DMD: variants seen among roughly 807,000 people sequenced by gnomAD.
DMD encodes mutant dystrophin.
A neutral mutation model predicts 330.1 loss-of-function variants in DMD; 63 were observed. The ratio of observed to expected loss-of-function variants is 0.19; its 90% CI spans 0.16 to 0.24. The LOEUF is 0.24. DMD is among the 10% of genes least tolerant of loss of function. The probability of loss-of-function intolerance (pLI) is 1.00; values close to 1 mark genes in which losing one functional copy is unlikely to be tolerated. For synonymous variants in DMD, 1,223 were observed against 959.8 expected (o/e 1.27, Z -5.07); for missense variants, 3,344 against 2,684.1 (o/e 1.25, Z -5.43).
chrX:32,590,353 T>C (rs1459980669), intron 13 of DMD, among the ~76,000 whole-genome samples: 7 of 112,042 alleles, frequency 6.2e-5, no homozygotes, highest in Admixed American at 9.5e-5. Context: ...AATAGAATAC[T>C]TGTTGTGACG....
chrX:31,714,301 A>G (rs1185702749), intron 52 of DMD, among the ~76,000 whole-genome samples: 1 of 111,841 alleles, frequency 8.9e-6, no homozygotes, highest in Admixed American at 9.5e-5. Flanking sequence ...TTATAATTAA[A>G]TTCTACCAAA....
At position 32,697,872 on chromosome X, in the gene DMD, G is replaced by C. The variant is rs762379765; in HGVS notation, c.958C>G (p.Gln320Glu). 12 of 1,210,714 alleles carry C rather than the reference G, an allele frequency of 9.9e-6. No homozygotes were observed. In the South Asian group the frequency reaches 1.9e-4, roughly 20 times the overall value. Residue 320 changes from glutamine (Q) to glutamate (E), a missense_variant and splice_region_variant, in exon 9 of 79, where the codon CAG becomes GAG. Gln to Glu is a conservative substitution (Grantham distance 29). Coordinates refer to ENST00000357033, the MANE Select transcript of DMD (RefSeq NM_004006.3). ...SDPTRSPFPSQHLEAPEDKSF... is the reference protein window; with the variant it reads ...SDPTRSPFPSEHLEAPEDKSF... ...ACAGAGAGTAAATGTTGACAGACCT[G>C]TGAAGGAAATGGGCTCCGTGTAGGG... is the stretch of plus-strand genomic sequence containing the variant.
chrX:31,406,189 A>G (rs1602531579), intron 60 of DMD, among the ~76,000 whole-genome samples: 1 of 111,903 alleles, frequency 8.9e-6, no homozygotes, highest in East Asian at 2.8e-4. Context: ...CATAGGAAAT[A>G]TCAATGTTTT....
intron 1 of DMD, among the ~76,000 whole-genome samples, chrX:33,122,086 C>A (rs2095428822): frequency 9.0e-6 from 1 of 111,267 alleles, no homozygotes; most frequent in African/African-American, 3.3e-5. Context: ...ATTAGTCAGG[C>A]ACGGTGGTGC....
intron 63 of DMD, among the ~76,000 whole-genome samples, chrX:31,254,818 T>C (rs1478829881): frequency 9.1e-6 from 1 of 110,329 alleles, no homozygotes; most frequent in Non-Finnish European, 1.9e-5. Context: ...GGTGGGAGGA[T>C]CGCTTGAGCC....
intron 44 of DMD, among the ~76,000 whole-genome samples, chrX:32,035,755 G>A (rs1009103430): frequency 9.0e-6 from 1 of 111,262 alleles, no homozygotes; most frequent in African/African-American, 3.3e-5. Flanking sequence ...TCAAGAGTAT[G>A]GATAAGCTCA....
chrX:31,735,794 G>A (rs967687254), intron 51 of DMD, among the ~76,000 whole-genome samples: 2 of 111,852 alleles, frequency 1.8e-5, no homozygotes, highest in Non-Finnish European at 3.8e-5. Context: ...ATGGCAAAAG[G>A]AACTTTGGGG....
intron 62 of DMD, among the ~76,000 whole-genome samples, chrX:31,308,782 T>C (rs1303995606): frequency 1.8e-5 from 2 of 110,872 alleles, no homozygotes; most frequent in African/African-American, 3.3e-5. Context: ...CTGGCTGAAG[T>C]GCAATGGTGC....
intron 48 of DMD, among the ~76,000 whole-genome samples, chrX:31,846,795 C>T (rs1377904978): frequency 3.6e-5 from 4 of 111,410 alleles, no homozygotes; most frequent in Non-Finnish European, 1.9e-5. Context: ...GAATAGATAC[C>T]ACTACTCAGA....
At chrX:31,698,724 A>G (rs2083603956) in intron 52 of DMD, among the ~76,000 whole-genome samples, 2 of 111,764 alleles carry the variant, frequency 1.8e-5, no homozygotes, top group Non-Finnish European at 3.8e-5. Flanking sequence ...TTAGATATAG[A>G]AAAGGAGGAA....
intron 1 of DMD, among the ~76,000 whole-genome samples, chrX:33,115,897 C>A (rs183460176): frequency 1.3e-4 from 14 of 109,849 alleles, no homozygotes; most frequent in Admixed American, 9.7e-4. Flanking sequence ...AACAATGATT[C>A]AAAAATGCAG....
chrX:31,411,364 T>C (rs993340640), intron 60 of DMD, among the ~76,000 whole-genome samples: 1 of 111,690 alleles, frequency 9.0e-6, no homozygotes, highest in Non-Finnish European at 1.9e-5. Context: ...TTTGTGTGCA[T>C]ATTTTCATAA....
chrX:33,057,764 T>C (rs778162988), intron 1 of DMD, among the ~76,000 whole-genome samples: 8 of 112,499 alleles, frequency 7.1e-5, no homozygotes, highest in African/African-American at 2.6e-4. Flanking sequence ...ACACAGTAAA[T>C]GTTCATCTTC....
rs776513314 is a variant in DMD at position 32,345,963 on chromosome X, T to C, written c.5566A>G (p.Thr1856Ala). Residue 1856 changes from threonine to alanine, a missense_variant, in exon 39 of 79, where the codon ACA becomes GCA. Transcript: ENST00000357033. Reference sequence around the variant, plus strand: ...AATACCTTGAGAGCATTATGTTTTGTCTGTAACAGCTGCTGTTTTATCTTT... The same window carrying C: ...AATACCTTGAGAGCATTATGTTTTGCCTGTAACAGCTGCTGTTTTATCTTT... The part of the protein sequence containing the change: ...EIKIKQQLLQ[T>A]KHNALKDLRS... 1.7e-6 allele frequency: 2 copies of C among 1,209,839 alleles called. No homozygotes were observed. Among genetic ancestry groups the C allele is most frequent in the Non-Finnish European group, 2.2e-6 (2 of 894,455 alleles).
At chrX:32,987,452 T>C (rs932351724) in intron 2 of DMD, among the ~76,000 whole-genome samples, 1 of 111,429 alleles carries the variant, frequency 9.0e-6, no homozygotes, top group African/African-American at 3.3e-5. Flanking sequence ...ATACCAAGTA[T>C]AGCAGCCAGA....
chrX:32,880,788 T>C (rs2083862212), intron 2 of DMD, among the ~76,000 whole-genome samples: 1 of 111,180 alleles, frequency 9.0e-6, no homozygotes, highest in Admixed American at 9.5e-5. Context: ...CTACTACAAA[T>C]ACAAAATTAG....
At chrX:32,067,919 G>C (rs145627824) in intron 44 of DMD, among the ~76,000 whole-genome samples, 63 of 111,761 alleles carry the variant, frequency 5.6e-4, no homozygotes, top group African/African-American at 2.0e-3. Flanking sequence ...TAAGTTCTTT[G>C]AGAAATGTCC....
chrX:31,595,648 A>C (rs1268093944), intron 55 of DMD, among the ~76,000 whole-genome samples: 2 of 111,209 alleles, frequency 1.8e-5, no homozygotes, highest in African/African-American at 3.3e-5. Flanking sequence ...AAGAACTCTA[A>C]AAAGGAAAAA....
At chrX:32,877,882 T>A (rs1477112930) in intron 2 of DMD, among the ~76,000 whole-genome samples, 1 of 111,904 alleles carries the variant, frequency 8.9e-6, no homozygotes, top group Non-Finnish European at 1.9e-5. Context: ...GCACTTTGCC[T>A]GCGATTGCTC....
Sources: gnomAD v4.1 joint callset for allele counts (sites outside exome capture counted in the v4.1 genomes callset) on GRCh38, gnomAD v4.1.1 for gene constraint, MANE v1.5 for transcripts, NCBI Gene and HGNC (gene_info 2026-07-23, HGNC 2026-07-21) for gene names.